Variants in SMYD3 observed in about 807,000 individuals in gnomAD.
SMYD3 encodes histone-lysine N-methyltransferase SMYD3.
Under a neutral mutation model 57.7 loss-of-function variants are expected in SMYD3, and 36 were observed. That is an observed-to-expected ratio of 0.62 (90% CI 0.48 to 0.82). The LOEUF (loss-of-function observed/expected upper bound fraction) is 0.82. SMYD3 is among the 40% of genes least tolerant of loss of function. The pLI is 0.00. For missense variants in SMYD3, 515 were observed against 538.8 expected (o/e 0.96, Z 0.44); for synonymous variants, 211 against 195.0 (o/e 1.08, Z -0.68).
At chr1:245,833,267 T>C (rs531287618) in intron 10 of SMYD3, among the ~76,000 whole-genome samples, 1 of 152,324 alleles carries the variant, frequency 6.6e-6, no homozygotes, top group Admixed American at 6.5e-5. Context: ...TATGTGACTA[T>C]TAACTAAACC....
chr1:246,282,539 T>C (rs1425079131), intron 5 of SMYD3, among the ~76,000 whole-genome samples: 1 of 91,444 alleles, frequency 1.1e-5, no homozygotes, highest in Admixed American at 1.1e-4. Context: ...AAAATAAAAT[T>C]ATTTGTTCCA....
chr1:245,989,320 C>T (rs2058768461), intron 5 of SMYD3, among the ~76,000 whole-genome samples: 1 of 152,184 alleles, frequency 6.6e-6, no homozygotes, highest in South Asian at 2.1e-4. Flanking sequence ...TGTGCACTCC[C>T]CCAGTACTTG....
chr1:246,155,770 A>C (rs985887253), intron 5 of SMYD3, among the ~76,000 whole-genome samples: 2 of 152,142 alleles, frequency 1.3e-5, no homozygotes, highest in African/African-American at 4.8e-5. Context: ...ACTTGAGGTC[A>C]GGAGTTCGAG....
intron 5 of SMYD3, among the ~76,000 whole-genome samples, chr1:245,961,891 G>GCCGGATAAAAGTT (rs1278904318): frequency 1.3e-5 from 2 of 152,172 alleles, no homozygotes; most frequent in Non-Finnish European, 2.9e-5. Context: ...ACAGTAAGCT[G>GCCGGATAAAAGTT]CCGGATAAAA....
chr1:246,053,823 G>A (rs2060103545), intron 5 of SMYD3, among the ~76,000 whole-genome samples: 1 of 151,246 alleles, frequency 6.6e-6, no homozygotes, highest in African/African-American at 2.4e-5. Context: ...AAATGTAAAT[G>A]CTAAAACAGA....
At chr1:245,986,591 T>C (rs1264786423) in intron 5 of SMYD3, among the ~76,000 whole-genome samples, 2 of 152,198 alleles carry the variant, frequency 1.3e-5, no homozygotes, top group Non-Finnish European at 2.9e-5. Context: ...GACTGGAACA[T>C]GTAGCATTTG....
chr1:246,158,193 T>G (rs772570143), intron 5 of SMYD3, among the ~76,000 whole-genome samples: 67 of 152,192 alleles, frequency 4.4e-4, no homozygotes, highest in Admixed American at 8.5e-4. Context: ...AAAAATAGAC[T>G]CATTCTTCCC....
intron 5 of SMYD3, among the ~76,000 whole-genome samples, chr1:246,177,048 G>T (rs2062446888): frequency 6.6e-6 from 1 of 152,182 alleles, no homozygotes; most frequent in African/African-American, 2.4e-5. Flanking sequence ...GAACCACTGT[G>T]ATTTATATTT....
chr1:245,867,410 A>G (rs2051917798), intron 8 of SMYD3, among the ~76,000 whole-genome samples: 1 of 152,236 alleles, frequency 6.6e-6, no homozygotes, highest in Non-Finnish European at 1.5e-5. Flanking sequence ...GCAGCCACAG[A>G]AAATGTAGTC....
intron 5 of SMYD3, among the ~76,000 whole-genome samples, chr1:245,931,716 A>G (rs981577742): frequency 3.3e-5 from 5 of 152,314 alleles, no homozygotes; most frequent in Non-Finnish European, 4.4e-5. Flanking sequence ...AGTTTCTGTA[A>G]AGGAAAAAGT....
intron 5 of SMYD3, among the ~76,000 whole-genome samples, chr1:246,045,674 C>T (rs1266709412): frequency 6.6e-6 from 1 of 152,004 alleles, no homozygotes; most frequent in Non-Finnish European, 1.5e-5. Context: ...CAAAAGAAAC[C>T]ACCATCAGAA....
chr1:245,955,420 T>C (rs1163661184), intron 5 of SMYD3, among the ~76,000 whole-genome samples: 1 of 152,202 alleles, frequency 6.6e-6, no homozygotes, highest in Non-Finnish European at 1.5e-5. Context: ...TGGCATATGA[T>C]TGCCAGGTCA....
In SMYD3 at chr1:245,917,027, TG is replaced by T. The variant is rs2055476848; in HGVS notation, c.703-1388del. 5.6e-5 allele frequency among the ~76,000 whole-genome samples: 3 copies of T among 53,482 alleles called. No homozygotes were observed. The Admixed American group carries it at 8.1e-4, about 14-fold the overall frequency. The allele number at this position is 53,482 out of a possible 152,430, so 35.1% of individuals were successfully genotyped here. A position where few individuals can be genotyped will look rare whatever the true frequency, so the allele number is the denominator to read the frequency against. ...TTATGTGACTCTAATAATAAAACAT[TG>T]GGCTTTAAAAAAAAAAAAAAAGACA... On this transcript the variant is annotated intron_variant, in intron 7 of 11. Coordinates refer to ENST00000490107, the MANE Select transcript of SMYD3 (RefSeq NM_001167740.2).
chr1:245,962,217 C>T (rs143742005), intron 5 of SMYD3, among the ~76,000 whole-genome samples: 1 of 152,336 alleles, frequency 6.6e-6, no homozygotes, highest in Non-Finnish European at 1.5e-5. Context: ...CCAAAGGCTG[C>T]AAGTAATCAA....
intron 5 of SMYD3, among the ~76,000 whole-genome samples, chr1:246,296,421 A>T (rs10924678): frequency 0.11 from 16,077 of 152,206 alleles, 1,691 homozygotes; most frequent in African/African-American, 0.26. Flanking sequence ...GGCTTCGACA[A>T]TAAATTGGCT....
chr1:246,214,649 CAGGA>C (rs1201581507), intron 5 of SMYD3, among the ~76,000 whole-genome samples: 1 of 152,148 alleles, frequency 6.6e-6, no homozygotes, highest in East Asian at 1.9e-4. Context: ...TGGCCTCTTT[CAGGA>C]AGAGAGAAGG....
At chr1:246,263,553 T>C (rs1462263947) in intron 5 of SMYD3, among the ~76,000 whole-genome samples, 2 of 152,236 alleles carry the variant, frequency 1.3e-5, no homozygotes, top group African/African-American at 4.8e-5. Flanking sequence ...CTGATCTTCA[T>C]ACCAGCGTAT....
At chr1:246,055,860 A>G (rs1288321242) in intron 5 of SMYD3, among the ~76,000 whole-genome samples, 1 of 152,132 alleles carries the variant, frequency 6.6e-6, no homozygotes, top group African/African-American at 2.4e-5. Flanking sequence ...GCAAAAGGGG[A>G]ATGGGGAGTT....
At chr1:246,221,598 C>T (rs1014057412) in intron 5 of SMYD3, among the ~76,000 whole-genome samples, 1 of 152,198 alleles carries the variant, frequency 6.6e-6, no homozygotes, top group Non-Finnish European at 1.5e-5. Context: ...TTCCCCGGTG[C>T]CAGACGGGAA....
Sources: allele counts gnomAD v4.1 joint callset (sites outside exome capture counted in the v4.1 genomes callset), GRCh38; gene constraint gnomAD v4.1.1; transcripts MANE v1.5; gene names NCBI Gene and HGNC (gene_info 2026-07-23, HGNC 2026-07-21).